NIPAL2: variants seen among roughly 807,000 people sequenced by gnomAD.
The protein encoded by NIPAL2 is NIPA like domain containing 2.
A neutral mutation model predicts 48.9 loss-of-function variants in NIPAL2; 43 were observed. The ratio of observed to expected loss-of-function variants is 0.88; its 90% CI spans 0.69 to 1.13. The LOEUF is 1.13. Ranked by LOEUF, NIPAL2 falls within the 50% of genes most tolerant of loss-of-function variation. The pLI is 0.00. For synonymous variants in NIPAL2, 167 were observed against 174.6 expected, an observed-to-expected ratio of 0.96 and a Z score of 0.34; for missense variants, 446 against 461.4, an observed-to-expected ratio of 0.97 and a Z score of 0.31.
At chr8:98,250,087 G>A (rs1358014968) in intron 3 of NIPAL2, among the ~76,000 whole-genome samples, 1 of 152,068 alleles carries the variant, frequency 6.6e-6, no homozygotes, top group Non-Finnish European at 1.5e-5. Context: ...TATTGTAAGT[G>A]TTCTGGATTT....
chr8:98,240,548 T>G (rs150796465), intron 3 of NIPAL2, among the ~76,000 whole-genome samples: 355 of 152,312 alleles, frequency 2.3e-3, no homozygotes, highest in South Asian at 5.8e-3. Flanking sequence ...GATGGTGCTA[T>G]TGCAGTTGTC....
rs992107247 is a variant in NIPAL2, at chr8:98,189,932, T to C, written c.*3046A>G. ...ACATTTAAGCCAAAAAACAATCATA[T>C]GGCAAAGGCCTCTGCTTTAATCTAC... On this transcript the variant is annotated 3_prime_UTR_variant, in exon 11 of 11. Transcript: ENST00000430223. The C allele has an allele frequency of 2.0e-5, 3 of 152,220 alleles. No homozygotes were observed. Among genetic ancestry groups the C allele is most frequent in the African/African-American group, 7.2e-5 (3 of 41,472 alleles). 9.4% of individuals were successfully genotyped at this position (152,220 alleles called of 1,614,324 possible). A position where few individuals can be genotyped will look rare whatever the true frequency, so the allele number is the denominator to read the frequency against.
At position 98,202,985 on chromosome 8, in the gene NIPAL2, T is replaced by A. The variant is rs909930255; in HGVS notation, c.880+123A>T. On this transcript the variant is annotated intron_variant, in intron 8 of 10. Coordinates refer to ENST00000430223, the MANE Select transcript of NIPAL2 (RefSeq NM_001321635.2). The stretch of plus-strand genomic sequence containing the variant: ...CCTGGAAGATTGTCATAGGGGAAAT[T>A]CAGACACCAGGTGGAGGCAACACAG... 2.8e-5 allele frequency: 20 copies of A among 723,338 alleles called. No individual in the cohort carries two copies. The African/African-American group carries it at 3.4e-4, about 12-fold the overall frequency. The allele number at this position is 723,338 out of a possible 1,614,324, so 44.8% of individuals were successfully genotyped here.
intron 1 of NIPAL2, among the ~76,000 whole-genome samples, chr8:98,289,171 T>C (rs1816357150): frequency 1.3e-5 from 2 of 152,238 alleles, no homozygotes; most frequent in Admixed American, 1.3e-4. Flanking sequence ...TCTATTTTAA[T>C]CTATAGGTCA....
chr8:98,216,902 T>G (rs1811605658), intron 5 of NIPAL2: 1 of 330,104 alleles, frequency 3.0e-6, no homozygotes, highest in Admixed American at 6.5e-5. Context: ...GAAAAGGGCC[T>G]CATGGTCAAA....
intron 3 of NIPAL2, among the ~76,000 whole-genome samples, chr8:98,240,988 C>A (rs1258732626): frequency 7.9e-5 from 12 of 152,304 alleles, no homozygotes; most frequent in Admixed American, 2.6e-4. Context: ...TAATTATTCT[C>A]CTTGCTTGAA....
At chr8:98,293,951 CCG>C in intron 1 of NIPAL2, 50 bp downstream of exon 1, 1 of 1,360,074 alleles carries the variant, frequency 7.4e-7, no homozygotes, top group Non-Finnish European at 9.5e-7. Context: ...CCGGAGCCAG[CCG>C]CCCTGGCCGC....
At position 98,236,873 on chromosome 8, in the gene NIPAL2, AAAG is replaced by A. The variant is rs1467842979; in HGVS notation, c.377-662_377-660del. ...TCTCAAAAAAAAAAAAAAAAAAAAA[AAAG>A]GACAGGAAGAACTTTAAATATGTGC... is the stretch of plus-strand genomic sequence containing the variant. On this transcript the variant is annotated intron_variant, in intron 3 of 10. Transcript: ENST00000430223. Among the ~76,000 whole-genome samples the A allele has an allele frequency of 1.1e-3, 160 of 149,846 alleles. No individual in the cohort carries two copies. The South Asian group carries it at 0.012, about 11-fold the overall frequency.
At chr8:98,270,864 G>A (rs1024585416) in intron 1 of NIPAL2, among the ~76,000 whole-genome samples, 1 of 152,172 alleles carries the variant, frequency 6.6e-6, no homozygotes, top group East Asian at 1.9e-4. Flanking sequence ...TCCATCTTGA[G>A]GTAATTTGTT....
In NIPAL2 at chr8:98,199,091, C is replaced by T. The variant is rs994667659; in HGVS notation, c.881-3086G>A. On this transcript the variant is annotated intron_variant, in intron 8 of 10. Transcript: ENST00000430223. ...CCTGCCTCAGCTTCCCAAGTAGCTG[C>T]GATTACAGTCATGTGCCACCATGCC... Among the ~76,000 whole-genome samples, 7 of 151,492 alleles carry T rather than the reference C, an allele frequency of 4.6e-5. No homozygotes were observed. In the East Asian group the frequency reaches 7.8e-4, roughly 17 times the overall value.
rs750000615 is a variant in NIPAL2 at position 98,222,464 on chromosome 8, A to G, written c.558+15T>C. ...AATATAGCTTCGGGGATAGTAAAATATTTAGAATTCTTACCACATAGATCA... is the reference window on the plus strand; with the variant it reads ...AATATAGCTTCGGGGATAGTAAAATGTTTAGAATTCTTACCACATAGATCA... On this transcript the variant is annotated intron_variant, in intron 5 of 10. Transcript: ENST00000430223. 6 of 1,611,298 alleles carry G rather than the reference A, an allele frequency of 3.7e-6. No homozygotes were observed. In the East Asian group the frequency reaches 1.3e-4, roughly 36 times the overall value.
At chr8:98,290,091 C>A (rs1053970712) in intron 1 of NIPAL2, among the ~76,000 whole-genome samples, 4 of 152,170 alleles carry the variant, frequency 2.6e-5, no homozygotes, top group Non-Finnish European at 5.9e-5. Context: ...GCTGTAAGAT[C>A]TTGGGGCAAG....
At chr8:98,256,993 T>C (rs1489196315) in intron 1 of NIPAL2, among the ~76,000 whole-genome samples, 2 of 152,198 alleles carry the variant, frequency 1.3e-5, no homozygotes, top group African/African-American at 4.8e-5. Flanking sequence ...AATTTCAATA[T>C]ACACTACAAC....
intron 4 of NIPAL2, among the ~76,000 whole-genome samples, chr8:98,232,663 T>C (rs1295461333): frequency 1.3e-5 from 2 of 152,188 alleles, no homozygotes; most frequent in Non-Finnish European, 2.9e-5. Flanking sequence ...TTACATAAGG[T>C]TCCTCTAGTG....
At chr8:98,209,770 G>A (rs1811223242) in intron 6 of NIPAL2, among the ~76,000 whole-genome samples, 1 of 151,918 alleles carries the variant, frequency 6.6e-6, no homozygotes. Flanking sequence ...TTTGGGAGGT[G>A]AGTCTCATCT....
chr8:98,220,329 G>C (rs1367631494), intron 5 of NIPAL2, among the ~76,000 whole-genome samples: 2 of 151,754 alleles, frequency 1.3e-5, no homozygotes, highest in Admixed American at 1.3e-4. Context: ...TATTTTACCT[G>C]TTTTAATGGC....
intron 4 of NIPAL2, among the ~76,000 whole-genome samples, chr8:98,230,366 T>C (rs1000035041): frequency 2.6e-5 from 4 of 152,180 alleles, no homozygotes; most frequent in African/African-American, 9.6e-5. Flanking sequence ...AAACTGGTGT[T>C]CCCTGGAACC....
At chr8:98,197,432 G>C (rs904870687) in intron 8 of NIPAL2, among the ~76,000 whole-genome samples, 1 of 152,182 alleles carries the variant, frequency 6.6e-6, no homozygotes, top group Non-Finnish European at 1.5e-5. Flanking sequence ...TGATCAGGGT[G>C]GTGGTTGCTG....
At chr8:98,240,550 G>T (rs1812931978) in intron 3 of NIPAL2, among the ~76,000 whole-genome samples, 1 of 152,104 alleles carries the variant, frequency 6.6e-6, no homozygotes, top group Non-Finnish European at 1.5e-5. Flanking sequence ...TGGTGCTATT[G>T]CAGTTGTCCA....
Sources: gnomAD v4.1 joint callset for allele counts (sites outside exome capture counted in the v4.1 genomes callset) on GRCh38, gnomAD v4.1.1 for gene constraint, MANE v1.5 for transcripts, NCBI Gene and HGNC (gene_info 2026-07-23, HGNC 2026-07-21) for gene names.